PCDHGB2: variants seen among roughly 807,000 people sequenced by gnomAD.
PCDHGB2 encodes the protein protocadherin gamma-B2.
In PCDHGB2, 55 loss-of-function variants were observed where a neutral mutation model predicts 59.3. The ratio of observed to expected loss-of-function variants is 0.93; its 90% confidence interval spans 0.75 to 1.16. The LOEUF is 1.16. PCDHGB2 is among the 50% of genes most tolerant of loss of function. The pLI is 0.00. For missense variants in PCDHGB2, 1,228 were observed against 1,198.5 expected, an observed-to-expected ratio of 1.02 and a Z score of -0.36; for synonymous variants, 516 against 512.0, an observed-to-expected ratio of 1.01 and a Z score of -0.11.
At chr5:141,427,898 C>A (rs2154552434) in intron 1 of PCDHGB2, 1 of 1,570,872 alleles carries the variant, frequency 6.4e-7, no homozygotes, top group Non-Finnish European at 8.7e-7. Context: ...AGGGCTCGCC[C>A]GCGCTCAGCG....
Position 141,477,531 on chromosome 5 carries a change from C to G in PCDHGB2, c.2422-17276C>G. ...GTTTACATTGAAGAAAACAACCTCC[C>G]CGGGGCTCCAATACTAAACCTAAGT... On this transcript the variant is annotated intron_variant, in intron 1 of 3. Coordinates refer to ENST00000522605, the MANE Select transcript of PCDHGB2 (RefSeq NM_018923.3). This position sits in a 1 kb window ranked among gnomAD's most constrained non-coding sequence, Gnocchi z 4.9. The G allele has an allele frequency of 6.2e-7, 1 of 1,614,162 alleles. No homozygotes were observed. Among genetic ancestry groups the G allele is most frequent in the South Asian group, 1.1e-5 (1 of 91,086 alleles).
In PCDHGB2 at chr5:141,365,249, C is replaced by T. The variant is rs1445885867; in HGVS notation, c.2421+2693C>T. On this transcript the variant is annotated intron_variant, in intron 1 of 3. Coordinates refer to ENST00000522605, the MANE Select transcript of PCDHGB2 (RefSeq NM_018923.3). ...GGGGGAAATCTCAACTCTACAATCACTGGACTATGAAGAATCCAGATTCTA... is the reference window on the plus strand; with the variant it reads ...GGGGGAAATCTCAACTCTACAATCATTGGACTATGAAGAATCCAGATTCTA... The T allele has an allele frequency of 2.5e-6, 4 of 1,613,860 alleles. No individual in the cohort carries two copies. In the East Asian group the frequency reaches 8.9e-5, roughly 36 times the overall value.
In PCDHGB2 at chr5:141,413,117, C is replaced by G. The variant is rs902301902; in HGVS notation, c.2421+50561C>G. 1.9e-5 allele frequency: 29 copies of G among 1,509,004 alleles called. No homozygotes were observed. In the African/African-American group the frequency reaches 4.1e-4, roughly 21 times the overall value. The allele number at this position is 1,509,004 out of a possible 1,614,324, so 93.5% of individuals were successfully genotyped here. ...TGAAGCCACAGAAAGACAAAGGAAC[C>G]GGTTGAAACACACAACGTGTCCAGT... On this transcript the variant is annotated intron_variant, in intron 1 of 3. Transcript: ENST00000522605.
intron 1 of PCDHGB2, among the ~76,000 whole-genome samples, chr5:141,474,464 T>C (rs373468290): frequency 6.6e-6 from 1 of 152,252 alleles, no homozygotes; most frequent in African/African-American, 2.4e-5. Context: ...CTATACTCTT[T>C]ATTCTAAATT....
At chr5:141,472,620 A>G (rs2099290656) in intron 1 of PCDHGB2, among the ~76,000 whole-genome samples, 1 of 152,136 alleles carries the variant, frequency 6.6e-6, no homozygotes, top group Admixed American at 6.5e-5. Context: ...AGAAGAAAAA[A>G]GATAAAGACT....
chr5:141,382,896 G>A (rs754850386), intron 1 of PCDHGB2: 5 of 1,537,678 alleles, frequency 3.3e-6, no homozygotes, highest in Admixed American at 2.1e-5. Context: ...GAAGCAGGAC[G>A]ACTATGGCGG....
chr5:141,376,654 C>A, intron 1 of PCDHGB2: 1 of 932,252 alleles, frequency 1.1e-6, no homozygotes, highest in Non-Finnish European at 1.6e-6. Context: ...GTGGAAGACT[C>A]CCTTGTTCAG....
intron 1 of PCDHGB2, among the ~76,000 whole-genome samples, chr5:141,446,802 G>T (rs2098516342): frequency 6.6e-6 from 1 of 152,130 alleles, no homozygotes; most frequent in South Asian, 2.1e-4. Flanking sequence ...CTTCCATTGT[G>T]ATCATCTAGT....
chr5:141,458,718 C>T (rs569153299), intron 1 of PCDHGB2, among the ~76,000 whole-genome samples: 3 of 151,942 alleles, frequency 2.0e-5, no homozygotes, highest in African/African-American at 4.8e-5. Context: ...TACAGGTATT[C>T]GCCACCACAT....
Position 141,491,273 on chromosome 5 carries a change from G to A in PCDHGB2, c.2422-3534G>A. ...GACCCTGAGGAAATGCCCAAATCCA[G>A]TGACTTCCTCATACACCCTCCTGAG... On this transcript the variant is annotated intron_variant, in intron 1 of 3. Coordinates refer to ENST00000522605, the MANE Select transcript of PCDHGB2 (RefSeq NM_018923.3). This position sits in a 1 kb window ranked among gnomAD's most constrained non-coding sequence, Gnocchi z 6.9. The A allele has an allele frequency of 6.2e-7, 1 of 1,614,182 alleles. No individual in the cohort carries two copies. Among genetic ancestry groups the A allele is most frequent in the South Asian group, 1.1e-5 (1 of 91,082 alleles).
intron 3 of PCDHGB2, among the ~76,000 whole-genome samples, chr5:141,506,320 G>A (rs1054880362): frequency 8.6e-5 from 13 of 151,966 alleles, no homozygotes; most frequent in South Asian, 8.3e-4. Flanking sequence ...ATGGTGGTGC[G>A]TGCCTGTAGT....
chr5:141,415,325 C>A (rs1046074461), intron 1 of PCDHGB2: 2 of 1,614,094 alleles, frequency 1.2e-6, no homozygotes, highest in Non-Finnish European at 1.7e-6. Context: ...GTGCTGCTGG[C>A]GCACAGGCTG....
intron 1 of PCDHGB2, among the ~76,000 whole-genome samples, chr5:141,480,115 G>A (rs1164458958): frequency 6.6e-6 from 1 of 152,110 alleles, no homozygotes; most frequent in African/African-American, 2.4e-5. Flanking sequence ...CATGGTGCCT[G>A]GCATATCATA....
chr5:141,423,437 C>CACGT (rs766166209), intron 1 of PCDHGB2: 1 of 1,613,952 alleles, frequency 6.2e-7, no homozygotes, highest in Non-Finnish European at 8.5e-7. Context: ...GCAGGTATGC[C>CACGT]CACGTCACAT....
At chr5:141,388,893 G>A in intron 1 of PCDHGB2, 1 of 1,613,982 alleles carries the variant, frequency 6.2e-7, no homozygotes. Context: ...AGAAGTCATA[G>A]ATGAAAATGA....
At chr5:141,502,377 C>A (rs748121694) in intron 2 of PCDHGB2, among the ~76,000 whole-genome samples, 14 of 151,904 alleles carry the variant, frequency 9.2e-5, no homozygotes, top group Non-Finnish European at 1.3e-4. Flanking sequence ...AGAGTCCAGG[C>A]CAGTTGTACT....
chr5:141,413,836 G>A, intron 1 of PCDHGB2: 2 of 1,613,256 alleles, frequency 1.2e-6, no homozygotes, highest in Non-Finnish European at 1.7e-6. Context: ...CGCCTCCGAC[G>A]GGGGTGACCC....
chr5:141,459,076 C>T (rs1474375780), intron 1 of PCDHGB2, among the ~76,000 whole-genome samples: 1 of 152,144 alleles, frequency 6.6e-6, no homozygotes, highest in Non-Finnish European at 1.5e-5. Context: ...ATAAAATTTG[C>T]CTTTTAAAAT....
intron 3 of PCDHGB2, 149 bp downstream of exon 3, chr5:141,505,630 A>G (rs558394591): frequency 4.7e-5 from 69 of 1,480,262 alleles, no homozygotes; most frequent in Admixed American, 2.2e-5. Flanking sequence ...AATTCCAAAC[A>G]TAAAGCCTGG....
Sources: allele counts gnomAD v4.1 joint callset (sites outside exome capture counted in the v4.1 genomes callset), GRCh38; gene constraint gnomAD v4.1.1; non-coding constraint Gnocchi (gnomAD v3.1); transcripts MANE v1.5; gene names NCBI Gene and HGNC (gene_info 2026-07-23, HGNC 2026-07-21).